TBC1D1: variants seen among roughly 807,000 people sequenced by gnomAD.
TBC1D1 encodes the protein TBC1 (tre-2/USP6, BUB2, cdc16) domain family, member 1.
TBC1D1 carries 89 observed loss-of-function variants against 125.6 expected under a neutral mutation model. The ratio of observed to expected loss-of-function variants is 0.71; its 90% CI spans 0.60 to 0.85. The LOEUF (loss-of-function observed/expected upper bound fraction) is 0.85, where lower values mean the gene tolerates loss of function less well. Among genes scored for constraint, TBC1D1 ranks in the 40% least tolerant of loss-of-function variants. The pLI, the probability that TBC1D1 is intolerant of heterozygous loss-of-function variation, is 0.00. For synonymous variants in TBC1D1, 565 were observed against 564.1 expected, an observed-to-expected ratio of 1.00 and a Z score of -0.02; for missense variants, 1,377 against 1,469.2, an observed-to-expected ratio of 0.94 and a Z score of 1.03.
chr4:37,947,288 C>T (rs769605548), intron 2 of TBC1D1, among the ~76,000 whole-genome samples: 1 of 152,136 alleles, frequency 6.6e-6, no homozygotes, highest in Non-Finnish European at 1.5e-5. Flanking sequence ...TCCTGAATAG[C>T]TGGGACTACA....
intron 2 of TBC1D1, among the ~76,000 whole-genome samples, chr4:37,991,930 G>A (rs1736657973): frequency 6.6e-6 from 1 of 152,236 alleles, no homozygotes; most frequent in Non-Finnish European, 1.5e-5. Context: ...ATGAGCAAAG[G>A]TATGGAGGTG....
intron 12 of TBC1D1, among the ~76,000 whole-genome samples, chr4:38,088,634 A>G (rs1757934091): frequency 6.6e-6 from 1 of 152,078 alleles, no homozygotes; most frequent in African/African-American, 2.4e-5. Context: ...GATAGCAAAC[A>G]ATAAGAGCTA....
At chr4:37,945,503 A>C (rs1726495413) in intron 2 of TBC1D1, among the ~76,000 whole-genome samples, 2 of 122,018 alleles carry the variant, frequency 1.6e-5, no homozygotes, top group African/African-American at 3.1e-5. Context: ...ACAGAGAGAG[A>C]CTCCACCTCA....
At chr4:38,032,208 A>G (rs1373695948) in intron 7 of TBC1D1, among the ~76,000 whole-genome samples, 1 of 152,160 alleles carries the variant, frequency 6.6e-6, no homozygotes, top group Non-Finnish European at 1.5e-5. Flanking sequence ...AGTCTCAGCT[A>G]CTCGGGAGGC....
intron 2 of TBC1D1, among the ~76,000 whole-genome samples, chr4:37,982,790 CTTCTGT>C (rs1734606483): frequency 6.6e-6 from 1 of 152,236 alleles, no homozygotes; most frequent in Non-Finnish European, 1.5e-5. Context: ...GTCCCCTGTT[CTTCTGT>C]TTCTATCAAA....
intron 2 of TBC1D1, among the ~76,000 whole-genome samples, chr4:37,956,622 G>C (rs1206303237): frequency 6.6e-6 from 1 of 152,102 alleles, no homozygotes; most frequent in Admixed American, 6.6e-5. Flanking sequence ...TATGCTCAGG[G>C]ACGCCAACTA....
At chr4:38,022,482 C>A (rs1429148468) in intron 6 of TBC1D1, among the ~76,000 whole-genome samples, 1 of 152,196 alleles carries the variant, frequency 6.6e-6, no homozygotes, top group East Asian at 1.9e-4. Context: ...AGCCCTGTTA[C>A]CTGCCACCAA....
At chr4:37,973,742 C>T (rs1472827494) in intron 2 of TBC1D1, among the ~76,000 whole-genome samples, 1 of 152,200 alleles carries the variant, frequency 6.6e-6, no homozygotes, top group African/African-American at 2.4e-5. Flanking sequence ...AGCCCAAGAA[C>T]ACAGGACAGT....
At chr4:38,086,531 G>A (rs1560761905) in intron 12 of TBC1D1, among the ~76,000 whole-genome samples, 1 of 152,210 alleles carries the variant, frequency 6.6e-6, no homozygotes, top group Non-Finnish European at 1.5e-5. Context: ...ATGTAGAGGT[G>A]AAATTAATAC....
At position 38,014,972 on chromosome 4, in the gene TBC1D1, C is replaced by T. The variant is rs777459312; in HGVS notation, c.881C>T (p.Thr294Met). 1.7e-5 allele frequency: 26 copies of T among 1,529,068 alleles called. No homozygotes were observed. The Admixed American group carries it at 2.7e-4, about 16-fold the overall frequency. The allele number at this position is 1,529,068 out of a possible 1,614,324, so 94.7% of individuals were successfully genotyped here. The change falls in exon 3 of 20, where the codon ACG becomes ATG. Residue 294 changes from threonine to methionine, a missense_variant and splice_region_variant. By Grantham distance (81) the Thr-to-Met change is moderately conservative. Around this residue, in one of 3 missense-constraint regions of TBC1D1, gnomAD observed 822 missense variants for 824.6 expected, o/e 1.00. Transcript: ENST00000261439. This position sits in a 1 kb window ranked among gnomAD's most constrained non-coding sequence, Gnocchi z 5.1. The stretch of plus-strand genomic sequence containing the variant: ...GAGGAAAATCGAACTATGCTCTTCA[C>T]GGTAAAATATCACCCAGCTCGTGCA...
intron 7 of TBC1D1, among the ~76,000 whole-genome samples, chr4:38,028,315 G>A (rs1026551853): frequency 2.0e-5 from 3 of 152,224 alleles, no homozygotes; most frequent in South Asian, 2.1e-4. Flanking sequence ...ACAGGAGCAC[G>A]CCACCACGCC....
intron 2 of TBC1D1, among the ~76,000 whole-genome samples, chr4:37,923,998 C>G (rs1721563881): frequency 6.6e-6 from 1 of 152,088 alleles, no homozygotes; most frequent in African/African-American, 2.4e-5. Flanking sequence ...TCTTTTTAGC[C>G]TCATTTGGCT....
chr4:38,044,566 T>C, intron 9 of TBC1D1, 76 bp downstream of exon 9: 1 of 1,431,404 alleles, frequency 7.0e-7, no homozygotes. Context: ...TATGCTTTTA[T>C]TCCATCAATG....
At chr4:38,087,845 C>CAAAAAAAAA (rs1215951890) in intron 12 of TBC1D1, among the ~76,000 whole-genome samples, 8 of 67,882 alleles carry the variant, frequency 1.2e-4, no homozygotes, top group African/African-American at 4.2e-4. Flanking sequence ...GATTCCGTCT[C>CAAAAAAAAA]AAAAAAAAAA....
intron 9 of TBC1D1, 85 bp downstream of exon 9, chr4:38,044,575 T>C: frequency 7.3e-7 from 1 of 1,375,756 alleles, no homozygotes; most frequent in Non-Finnish European, 9.8e-7. Flanking sequence ...ATTCCATCAA[T>C]GTTCATCATA....
chr4:38,107,006 C>A (rs1026857485), intron 15 of TBC1D1, among the ~76,000 whole-genome samples: 2 of 151,074 alleles, frequency 1.3e-5, no homozygotes, highest in African/African-American at 4.9e-5. Flanking sequence ...GTGCTGACCC[C>A]CCTCTCTCTT....
intron 15 of TBC1D1, chr4:38,110,365 C>A (rs1046221001): frequency 2.0e-6 from 2 of 984,940 alleles, no homozygotes; most frequent in East Asian, 1.1e-4. Context: ...TTTAACAAGC[C>A]CCCAGATGAT....
chr4:37,934,485 G>A (rs939409507), intron 2 of TBC1D1, among the ~76,000 whole-genome samples: 3 of 152,230 alleles, frequency 2.0e-5, no homozygotes, highest in Admixed American at 6.5e-5. Flanking sequence ...GGACAGATTG[G>A]AAGGAGGGAG....
chr4:38,071,058 A>G (rs994021979), intron 12 of TBC1D1, among the ~76,000 whole-genome samples: 4 of 152,210 alleles, frequency 2.6e-5, no homozygotes, highest in African/African-American at 7.2e-5. Context: ...TGGCATGACC[A>G]GTGATTTGAG....
Sources: gnomAD v4.1 joint callset for allele counts (sites outside exome capture counted in the v4.1 genomes callset) on GRCh38, gnomAD v4.1.1 for gene constraint, gnomAD v4.1.1 regional missense constraint, Gnocchi (gnomAD v3.1) non-coding constraint, MANE v1.5 for transcripts, NCBI Gene and HGNC (gene_info 2026-07-23, HGNC 2026-07-21) for gene names.